The following ASTN2 variants were observed in gnomAD, a reference collection of about 807,000 sequenced individuals.
The protein encoded by ASTN2 is astrotactin 2, also known as astrotactin-2.
A neutral mutation model predicts 139.8 loss-of-function variants in ASTN2; 54 were observed. The ratio of observed to expected loss-of-function variants is 0.39; its 90% CI spans 0.31 to 0.48. ASTN2 has a LOEUF of 0.48. Ranked by LOEUF, ASTN2 falls within the 20% of genes least tolerant of loss-of-function variation. The pLI is 0.95. For synonymous variants in ASTN2, 756 were observed against 719.5 expected (o/e 1.05, Z -0.81); for missense variants, 1,565 against 1,725.1 (o/e 0.91, Z 1.64).
At chr9:116,811,940 C>T (rs1831178301) in intron 12 of ASTN2, among the ~76,000 whole-genome samples, 1 of 152,142 alleles carries the variant, frequency 6.6e-6, no homozygotes, top group African/African-American at 2.4e-5. Flanking sequence ...TTTTCTGCTG[C>T]TTCACAGTGT....
At chr9:116,502,349 G>C (rs1849894657) in intron 19 of ASTN2, among the ~76,000 whole-genome samples, 1 of 151,698 alleles carries the variant, frequency 6.6e-6, no homozygotes. Flanking sequence ...GAGAGAAATA[G>C]AGAAAGAGAC....
intron 10 of ASTN2, among the ~76,000 whole-genome samples, chr9:116,872,025 C>G (rs545010414): frequency 1.3e-5 from 2 of 152,090 alleles, no homozygotes; most frequent in African/African-American, 2.4e-5. Context: ...AGTGCAGTGG[C>G]GCGATCTTGG....
At chr9:116,717,634 TC>T (rs779304064) in intron 16 of ASTN2, among the ~76,000 whole-genome samples, 15 of 152,276 alleles carry the variant, frequency 9.9e-5, no homozygotes, top group Non-Finnish European at 1.9e-4. Context: ...CTGGGATTTT[TC>T]ACCTAGGATA....
chr9:117,364,409 G>A (rs1279754832), intron 1 of ASTN2, among the ~76,000 whole-genome samples: 1 of 152,120 alleles, frequency 6.6e-6, no homozygotes, highest in Non-Finnish European at 1.5e-5. Context: ...GAAAGAAATG[G>A]GCCAGGTGAG....
At chr9:117,094,557 C>T (rs775034049) in intron 5 of ASTN2, among the ~76,000 whole-genome samples, 1 of 152,090 alleles carries the variant, frequency 6.6e-6, no homozygotes, top group Non-Finnish European at 1.5e-5. Flanking sequence ...CTGAGGATTG[C>T]TTCTCAGTTT....
intron 16 of ASTN2, chr9:116,697,716 C>T (rs1860936554): frequency 6.2e-7 from 1 of 1,613,060 alleles, no homozygotes; most frequent in Non-Finnish European, 8.5e-7. Context: ...CTGAGCTGTG[C>T]TAGCAATACC....
chr9:116,750,417 T>G (rs1829365415), intron 13 of ASTN2, among the ~76,000 whole-genome samples: 1 of 152,182 alleles, frequency 6.6e-6, no homozygotes, highest in Non-Finnish European at 1.5e-5. Flanking sequence ...TCTTCTTCCC[T>G]TTTGTCTTTC....
At chr9:116,758,225 T>C (rs781160988) in intron 13 of ASTN2, among the ~76,000 whole-genome samples, 71 of 152,290 alleles carry the variant, frequency 4.7e-4, no homozygotes, top group Non-Finnish European at 2.6e-4. Context: ...TTGTGAATAA[T>C]AGAAAATGGG....
intron 1 of ASTN2, among the ~76,000 whole-genome samples, chr9:117,380,642 G>C (rs1284181608): frequency 6.6e-6 from 1 of 151,996 alleles, no homozygotes; most frequent in Non-Finnish European, 1.5e-5. Context: ...CAGGGGTGGG[G>C]CTGCTGGGTA....
chr9:116,528,982 G>A (rs1851210958), intron 19 of ASTN2, among the ~76,000 whole-genome samples: 1 of 152,188 alleles, frequency 6.6e-6, no homozygotes, highest in South Asian at 2.1e-4. Context: ...AGCCCTCATG[G>A]AGAACCTCTA....
chr9:117,228,896 TA>T (rs1349234184), intron 2 of ASTN2, among the ~76,000 whole-genome samples: 1 of 151,944 alleles, frequency 6.6e-6, no homozygotes, highest in African/African-American at 2.4e-5. Flanking sequence ...GTGCCTATAT[TA>T]GGGGGGCTGA....
At chr9:117,278,661 A>T (rs1834252338) in intron 2 of ASTN2, among the ~76,000 whole-genome samples, 1 of 152,246 alleles carries the variant, frequency 6.6e-6, no homozygotes, top group African/African-American at 2.4e-5. Flanking sequence ...GAGATTAGGA[A>T]AAAACAGAGA....
At position 116,770,113 on chromosome 9, in the gene ASTN2, A is replaced by AAC. The variant is rs1554744050; in HGVS notation, c.2396+35518_2396+35519insGT. Among the ~76,000 whole-genome samples, 38 of 151,792 alleles carry AAC rather than the reference A, an allele frequency of 2.5e-4. No homozygotes were observed. The East Asian group carries it at 3.7e-3, about 15-fold the overall frequency. Reference sequence around the variant, plus strand: ...AAGGGCTCTGAGAGTTAAAAAAAAAAAAAAAACTAAAAAGCTACCGCAAGG... The same window carrying AAC: ...AAGGGCTCTGAGAGTTAAAAAAAAAAACAAAAAACTAAAAAGCTACCGCAAGG... On this transcript the variant is annotated intron_variant, in intron 13 of 22. Transcript: ENST00000313400.
At chr9:117,071,658 G>A (rs1828132040) in intron 5 of ASTN2, among the ~76,000 whole-genome samples, 1 of 149,362 alleles carries the variant, frequency 6.7e-6, no homozygotes, top group Non-Finnish European at 1.5e-5. Flanking sequence ...CTAGCAATCA[G>A]CGAGATTCCG....
chr9:116,687,516 G>GC (rs1275537192), intron 16 of ASTN2: 1 of 146,368 alleles, frequency 6.8e-6, no homozygotes, highest in African/African-American at 2.5e-5. Context: ...ACCGGATCTG[G>GC]GGGGGGCAGG....
At chr9:117,128,695 G>C (rs1016541592) in intron 4 of ASTN2, among the ~76,000 whole-genome samples, 2 of 152,228 alleles carry the variant, frequency 1.3e-5, no homozygotes, top group African/African-American at 4.8e-5. Context: ...AACAAGGGCA[G>C]CATATTAGTC....
At chr9:116,517,174 G>A (rs922267535) in intron 19 of ASTN2, among the ~76,000 whole-genome samples, 8 of 152,180 alleles carry the variant, frequency 5.3e-5, no homozygotes, top group African/African-American at 1.9e-4. Flanking sequence ...ACACACTCTT[G>A]AAAGTGTCAC....
At chr9:116,513,787 C>G (rs900878983) in intron 19 of ASTN2, among the ~76,000 whole-genome samples, 30 of 152,112 alleles carry the variant, frequency 2.0e-4, no homozygotes, top group Non-Finnish European at 4.0e-4. Flanking sequence ...TCCAGCTGAT[C>G]AAATCGGCTA....
chr9:117,014,275 T>C (rs774610199), intron 6 of ASTN2, among the ~76,000 whole-genome samples: 4 of 152,130 alleles, frequency 2.6e-5, no homozygotes, highest in Non-Finnish European at 5.9e-5. Context: ...CTTTAATACA[T>C]TCCACCACCT....
Sources: gnomAD v4.1 joint callset for allele counts (sites outside exome capture counted in the v4.1 genomes callset) on GRCh38, gnomAD v4.1.1 for gene constraint, MANE v1.5 for transcripts, NCBI Gene and HGNC (gene_info 2026-07-23, HGNC 2026-07-21) for gene names.